The following SLC30A2 variants were observed in gnomAD, a reference collection of about 807,000 sequenced individuals.
SLC30A2 encodes solute carrier family 30 member 2, also known as proton-coupled zinc antiporter SLC30A2.
SLC30A2 carries 19 observed loss-of-function variants against 39.6 expected under a neutral mutation model. The ratio of observed to expected loss-of-function variants is 0.48; its 90% CI spans 0.34 to 0.70. SLC30A2 has a LOEUF of 0.70. SLC30A2 is among the 30% of genes least tolerant of loss of function. SLC30A2 has a pLI of 0.01. For missense variants in SLC30A2, 387 were observed against 479.4 expected (o/e 0.81, Z 1.80); for synonymous variants, 195 against 194.8 (o/e 1.00, Z -0.01).
chr1:26,037,719 C>G lies in SLC30A2; in HGVS notation c.*1441G>C, dbSNP rs1423369897. 6.6e-6 allele frequency: 1 copy of G among 152,280 alleles called. No individual in the cohort carries two copies. The highest frequency in any genetic ancestry group is 2.4e-5 in the African/African-American group (1 of 41,432). 9.4% of individuals were successfully genotyped at this position (152,280 alleles called of 1,614,324 possible). ...CACCCCTCTCCAGGCCAGTGCTTTC[C>G]ACAGACTTTTCACAGACCTGGAGGG... is the stretch of plus-strand genomic sequence containing the variant. On this transcript the variant is annotated 3_prime_UTR_variant, in exon 8 of 8. Coordinates refer to ENST00000374276, the MANE Select transcript of SLC30A2 (RefSeq NM_001004434.3).
At chr1:26,044,253 C>T in intron 3 of SLC30A2, 45 bp downstream of exon 3, 2 of 1,606,436 alleles carry the variant, frequency 1.2e-6, no homozygotes, top group African/African-American at 1.3e-5. Flanking sequence ...TGTTCTAACC[C>T]ACCCTCTCTC....
chr1:26,042,237 G>T (rs944091799), intron 5 of SLC30A2, among the ~76,000 whole-genome samples: 2 of 152,204 alleles, frequency 1.3e-5, no homozygotes, highest in Non-Finnish European at 2.9e-5. Flanking sequence ...TATGTGATGG[G>T]CATTGCCCAG....
rs374765698 is a variant in SLC30A2, at chr1:26,039,117, C to T, written c.*43G>A. On this transcript the variant is annotated 3_prime_UTR_variant, in exon 8 of 8. Coordinates refer to ENST00000374276, the MANE Select transcript of SLC30A2 (RefSeq NM_001004434.3). The surrounding 1 kb of genome is among the most constrained non-coding windows in gnomAD (Gnocchi z 4.3). ...CCTGGGGGACACTCAGTCCAGCCAC[C>T]TGCAGGTCCTGTTCATGCCCCAGTT... The T allele has an allele frequency of 1.9e-6, 3 of 1,599,104 alleles. No individual in the cohort carries two copies. Among genetic ancestry groups the T allele is most frequent in the Non-Finnish European group, 8.6e-7 (1 of 1,168,390 alleles).
At position 26,039,380 on chromosome 1, in the gene SLC30A2, T is replaced by C. The variant is rs1405188735; in HGVS notation, c.974-75A>G. The C allele has an allele frequency of 3.6e-6, 4 of 1,108,668 alleles. No homozygotes were observed. Among genetic ancestry groups the C allele is most frequent in the Admixed American group, 3.8e-5 (2 of 52,220 alleles). 68.7% of individuals were successfully genotyped at this position (1,108,668 alleles called of 1,614,324 possible). A position where few individuals can be genotyped will look rare whatever the true frequency, so the allele number is the denominator to read the frequency against. ...GGAACCATCAGGAGCCCAAATCTCA[T>C]ACCCCATCCCCAGCAGAACAGGATG... On this transcript the variant is annotated intron_variant, in intron 7 of 7. Transcript: ENST00000374276. The surrounding 1 kb of genome is among the most constrained non-coding windows in gnomAD (Gnocchi z 4.3).
In SLC30A2 at chr1:26,039,247, C is replaced by A. The variant is rs767902776; in HGVS notation, c.1032G>T (p.Lys344Asn). The stretch of plus-strand genomic sequence containing the variant: ...GGATGGTCACGGTGTGGAAGTGGAA[C>A]TTCCCTTGGAGGCGGCTGCTGGCTG... The part of the protein sequence containing the change: ...LKTASSRLQG[K>N]FHFHTVTIQI... The change falls in exon 8 of 8, where the codon AAG becomes AAT. Residue 344 changes from lysine (K) to asparagine (N), a missense_variant. Transcript: ENST00000374276. The surrounding 1 kb of genome is among the most constrained non-coding windows in gnomAD (Gnocchi z 4.3). The A allele has an allele frequency of 6.2e-7, 1 of 1,614,172 alleles. No individual in the cohort carries two copies. Among genetic ancestry groups the A allele is most frequent in the Admixed American group, 1.7e-5 (1 of 60,026 alleles).
intron 4 of SLC30A2, among the ~76,000 whole-genome samples, chr1:26,042,945 G>A (rs1390381984): frequency 1.3e-5 from 2 of 152,236 alleles, no homozygotes; most frequent in Non-Finnish European, 2.9e-5. Context: ...TCTCAGAGCA[G>A]GAGGGCATTA....
In SLC30A2 at chr1:26,043,505, C is replaced by A. The variant is rs537043440; in HGVS notation, c.465G>T (p.Thr155=). 1 of 1,613,922 alleles carries A rather than the reference C, an allele frequency of 6.2e-7. No homozygotes were observed. The highest frequency in any genetic ancestry group is 8.5e-7 in the Non-Finnish European group (1 of 1,179,970). Residue 155 remains threonine (T), a synonymous_variant, in exon 4 of 8, where the codon ACG becomes ACT. Coordinates refer to ENST00000374276, the MANE Select transcript of SLC30A2 (RefSeq NM_001004434.3). Reference sequence around the variant, plus strand: ...CCACAGCCAGGTACACCAGTACCCCCGTCACGACCCAGATGGACAGTACAG... The same window carrying A: ...CCACAGCCAGGTACACCAGTACCCCAGTCACGACCCAGATGGACAGTACAG... The part of the protein sequence containing the change: ...LVSVLSIWVV[T]GVLVYLAVER...
intron 2 of SLC30A2, among the ~76,000 whole-genome samples, 184 bp downstream of exon 2, chr1:26,044,813 A>G (rs2124426481): frequency 6.6e-6 from 1 of 152,314 alleles, no homozygotes; most frequent in South Asian, 2.1e-4. Flanking sequence ...ATCATCTGTA[A>G]AGTAAGGAGA....
At position 26,040,916 on chromosome 1, in the gene SLC30A2, ACC is replaced by A. The variant is rs57176480; in HGVS notation, c.838+782_838+783del. Among the ~76,000 whole-genome samples, 230 of 146,542 alleles carry A rather than the reference ACC, an allele frequency of 1.6e-3. 1 individual carries two copies. Among genetic ancestry groups the A allele is most frequent in the Non-Finnish European group, 2.3e-3 (154 of 66,402 alleles). ...AGACCAGCCAGGGCAACATAGTGAG[ACC>A]CCCCCCCCATCTCTACAAACATTTA... On this transcript the variant is annotated intron_variant, in intron 6 of 7. Coordinates refer to ENST00000374276, the MANE Select transcript of SLC30A2 (RefSeq NM_001004434.3).
In SLC30A2 at chr1:26,039,743, C is replaced by T. The variant is rs1273722223; in HGVS notation, c.973+34G>A. 1 of 1,601,396 alleles carries T rather than the reference C, an allele frequency of 6.2e-7. No homozygotes were observed. The highest frequency in any genetic ancestry group is 2.2e-5 in the East Asian group (1 of 44,490). ...TGGCACTAGGCCTTTGGCTGCCTGT[C>T]TCCCACCCCACCCTGAGTGTCCCAA... On this transcript the variant is annotated intron_variant, in intron 7 of 7. Transcript: ENST00000374276. The surrounding 1 kb of genome is among the most constrained non-coding windows in gnomAD (Gnocchi z 4.3).
At chr1:26,041,871 C>T in intron 5 of SLC30A2, 66 bp from the exon 6 acceptor site, 1 of 974,610 alleles carries the variant, frequency 1.0e-6, no homozygotes, top group East Asian at 2.5e-5. Context: ...CTTCTCCCCT[C>T]CCACCCAGCA....
chr1:26,039,712 TGG>T lies in SLC30A2; in HGVS notation c.973+63_973+64del. The stretch of plus-strand genomic sequence containing the variant: ...AGCATCTGGGGTCACCTGGACCCGT[TGG>T]GGATGGCACTAGGCCTTTGGCTGCC... On this transcript the variant is annotated intron_variant, in intron 7 of 7. Coordinates refer to ENST00000374276, the MANE Select transcript of SLC30A2 (RefSeq NM_001004434.3). This position sits in a 1 kb window ranked among gnomAD's most constrained non-coding sequence, Gnocchi z 4.3. 6.4e-7 allele frequency: 1 copy of T among 1,557,100 alleles called. No individual in the cohort carries two copies. Among genetic ancestry groups the T allele is most frequent in the South Asian group, 1.2e-5 (1 of 85,932 alleles).
rs193268106 is a variant in SLC30A2, at chr1:26,044,850, G to A, written c.271+147C>T. The A allele has an allele frequency of 8.8e-5, 60 of 680,258 alleles. No individual in the cohort carries two copies. The African/African-American group carries it at 1.0e-3, about 12-fold the overall frequency. 42.1% of individuals were successfully genotyped at this position (680,258 alleles called of 1,614,324 possible). On this transcript the variant is annotated intron_variant, in intron 2 of 7. Coordinates refer to ENST00000374276, the MANE Select transcript of SLC30A2 (RefSeq NM_001004434.3). The stretch of plus-strand genomic sequence containing the variant: ...TAACGTCACCCATGTGAGAACACAG[G>A]TTGTTGTTAGACCTGCATCAGATAA...
In SLC30A2 at chr1:26,039,309, G is replaced by A; in HGVS notation, c.974-4C>T. The A allele has an allele frequency of 1.2e-6, 2 of 1,611,336 alleles. No homozygotes were observed. Among genetic ancestry groups the A allele is most frequent in the Non-Finnish European group, 1.7e-6 (2 of 1,177,756 alleles). ...GCCTGGGCGTCTGTATTCTGAGCTG[G>A]GGGCCGAGAGGACACAGCGGGGGAA... is the stretch of plus-strand genomic sequence containing the variant. On this transcript the variant is annotated splice_polypyrimidine_tract_variant and splice_region_variant and intron_variant, in intron 7 of 7. Coordinates refer to ENST00000374276, the MANE Select transcript of SLC30A2 (RefSeq NM_001004434.3). The surrounding 1 kb of genome is among the most constrained non-coding windows in gnomAD (Gnocchi z 4.3).
intron 5 of SLC30A2, among the ~76,000 whole-genome samples, chr1:26,042,085 C>T (rs923343836): frequency 2.6e-5 from 4 of 152,220 alleles, no homozygotes; most frequent in East Asian, 1.9e-4. Flanking sequence ...CCATCTGATC[C>T]GCCATCCGTC....
chr1:26,045,271 C>T (rs1191060157), intron 1 of SLC30A2, 54 bp from the exon 2 acceptor site: 2 of 1,428,382 alleles, frequency 1.4e-6, no homozygotes, highest in Non-Finnish European at 2.0e-6. Context: ...GTAAGGAGGG[C>T]CGACTCTAGT....
At chr1:26,044,751 G>A (rs550389699) in intron 2 of SLC30A2, among the ~76,000 whole-genome samples, 5 of 152,350 alleles carry the variant, frequency 3.3e-5, no homozygotes, top group African/African-American at 1.2e-4. Flanking sequence ...CCTTAGCTAC[G>A]AGTTGTGCGT....
intron 6 of SLC30A2, among the ~76,000 whole-genome samples, chr1:26,040,915 G>GAC (rs2050388355): frequency 2.5e-5 from 1 of 39,974 alleles, no homozygotes; most frequent in Non-Finnish European, 6.5e-5. Context: ...AACATAGTGA[G>GAC]ACCCCCCCCC....
In SLC30A2 at chr1:26,039,125, C is replaced by T. The variant is rs1569691707; in HGVS notation, c.*35G>A. ...ACACTCAGTCCAGCCACCTGCAGGTCCTGTTCATGCCCCAGTTGGTGCCTG... is the reference window on the plus strand; with the variant it reads ...ACACTCAGTCCAGCCACCTGCAGGTTCTGTTCATGCCCCAGTTGGTGCCTG... On this transcript the variant is annotated 3_prime_UTR_variant, in exon 8 of 8. Coordinates refer to ENST00000374276, the MANE Select transcript of SLC30A2 (RefSeq NM_001004434.3). This position sits in a 1 kb window ranked among gnomAD's most constrained non-coding sequence, Gnocchi z 4.3. The T allele has an allele frequency of 4.4e-6, 7 of 1,604,136 alleles. No homozygotes were observed. In the South Asian group the frequency reaches 5.5e-5, roughly 13 times the overall value.
Sources: gnomAD v4.1 joint callset for allele counts (sites outside exome capture counted in the v4.1 genomes callset) on GRCh38, gnomAD v4.1.1 for gene constraint, Gnocchi (gnomAD v3.1) non-coding constraint, MANE v1.5 for transcripts, NCBI Gene and HGNC (gene_info 2026-07-23, HGNC 2026-07-21) for gene names.